GBA2: variants seen among roughly 807,000 people sequenced by gnomAD.
GBA2 encodes non-lysosomal glucosylceramidase.
In GBA2, 79 loss-of-function variants were observed where a neutral mutation model predicts 112.9. The ratio of observed to expected loss-of-function variants is 0.70; its 90% CI spans 0.58 to 0.84. The LOEUF is 0.84. Ranked by LOEUF, GBA2 falls within the 40% of genes least tolerant of loss-of-function variation. The probability of loss-of-function intolerance (pLI) is 0.00; values close to 1 mark genes in which losing one functional copy is unlikely to be tolerated. For synonymous variants in GBA2, 403 were observed against 434.3 expected, an observed-to-expected ratio of 0.93 and a Z score of 0.90; for missense variants, 1,043 against 1,190.0, an observed-to-expected ratio of 0.88 and a Z score of 1.82.
At position 35,748,472 on chromosome 9, in the gene GBA2, C is replaced by T. The variant is rs758381932; in HGVS notation, c.233G>A (p.Gly78Asp). The T allele has an allele frequency of 3.7e-6, 6 of 1,613,948 alleles. No individual in the cohort carries two copies. The South Asian group carries it at 6.6e-5, about 18-fold the overall frequency. Residue 78 changes from glycine to aspartate, a missense_variant, in exon 1 of 17, where the codon GGC becomes GAC. Coordinates refer to ENST00000378103, the MANE Select transcript of GBA2 (RefSeq NM_020944.3). Reference protein sequence around the residue: ...LMVSYEGKAMGYQVPPFGWRI... With the variant: ...LMVSYEGKAMDYQVPPFGWRI... ...CCAGCCAAAGGGAGGCACCTGGTAG[C>T]CCATAGCTTTACCCTCATAGGAAAC...
chr9:35,744,257 G>T, intron 3 of GBA2, 40 bp downstream of exon 3: 1 of 1,102,754 alleles, frequency 9.1e-7, no homozygotes, highest in Non-Finnish European at 1.4e-6. Context: ...TCTTGGCCTG[G>T]GGAGGTATTG....
At position 35,740,942 on chromosome 9, in the gene GBA2, C is replaced by A. The variant is rs748164868; in HGVS notation, c.909G>T (p.Gly303=). The A allele has an allele frequency of 7.4e-6, 12 of 1,614,056 alleles. No individual in the cohort carries two copies. Among genetic ancestry groups the A allele is most frequent in the Admixed American group, 1.7e-5 (1 of 60,010 alleles). The change falls in exon 5 of 17, where the codon GGG becomes GGT. Residue 303 remains glycine, a synonymous_variant. Transcript: ENST00000378103. This position sits in a 1 kb window ranked among gnomAD's most constrained non-coding sequence, Gnocchi z 4.7. ...NGLGGGDDAP[G]GLWNEPFCLE... The stretch of plus-strand genomic sequence containing the variant: ...GACAGAAGGGCTCATTCCACAAACC[C>A]CCTGGGGCATCGTCTCCACCACCCA...
At position 35,738,138 on chromosome 9, in the gene GBA2, A is replaced by G. The variant is rs376719778; in HGVS notation, c.2212T>C (p.Tyr738His). The G allele has an allele frequency of 1.9e-6, 3 of 1,613,832 alleles. No individual in the cohort carries two copies. The African/African-American group carries it at 4.0e-5, about 22-fold the overall frequency. ...RLLWNGRYYN[Y>H]DSSSRPQSRS... The stretch of plus-strand genomic sequence containing the variant: ...GACTGAGGCCGAGAGCTGCTGTCAT[A>G]GTTGTAATAGCGGCCTGGAGTCGAG... The change falls in exon 15 of 17, where the codon TAT becomes CAT. Residue 738 changes from tyrosine to histidine, a missense_variant. Physicochemically the swap from Tyr to His is moderately conservative, Grantham distance 83. Coordinates refer to ENST00000378103, the MANE Select transcript of GBA2 (RefSeq NM_020944.3).
In GBA2 at chr9:35,740,063, T is replaced by C; in HGVS notation, c.1344A>G (p.Ala448=). 6.2e-7 allele frequency: 1 copy of C among 1,614,026 alleles called. No homozygotes were observed. The highest frequency in any genetic ancestry group is 8.5e-7 in the Non-Finnish European group (1 of 1,179,950). Residue 448 remains alanine (A), a synonymous_variant, in exon 8 of 17, where the codon GCA becomes GCG. Coordinates refer to ENST00000378103, the MANE Select transcript of GBA2 (RefSeq NM_020944.3). This position sits in a 1 kb window ranked among gnomAD's most constrained non-coding sequence, Gnocchi z 4.7. ...CTTCCCACTCTGCGTATCGGCACAGTGCATAGTGGCTGAGGGCAGGTGCTG... is the reference window on the plus strand; with the variant it reads ...CTTCCCACTCTGCGTATCGGCACAGCGCATAGTGGCTGAGGGCAGGTGCTG... ...GDAAPALSHY[A]LCRYAEWEER...
rs370957405 is a variant in GBA2, at chr9:35,738,000, C to G, written c.2313+37G>C. The G allele has an allele frequency of 1.4e-4, 220 of 1,593,356 alleles. No individual in the cohort carries two copies. The highest frequency in any genetic ancestry group is 1.8e-4 in the Non-Finnish European group (212 of 1,166,836). ...CTTACTTCCCACCTCCAGGGAAAAC[C>G]CATTTTTCTCTCTGGCTGCTCCTCC... On this transcript the variant is annotated intron_variant, in intron 15 of 16. Coordinates refer to ENST00000378103, the MANE Select transcript of GBA2 (RefSeq NM_020944.3). The surrounding 1 kb of genome is among the most constrained non-coding windows in gnomAD (Gnocchi z 4.1).
chr9:35,741,929 G>A lies in GBA2; in HGVS notation c.568-39C>T, dbSNP rs1352491520. 1.7e-5 allele frequency: 24 copies of A among 1,384,512 alleles called. No individual in the cohort carries two copies. Among genetic ancestry groups the A allele is most frequent in the Non-Finnish European group, 2.5e-5 (24 of 974,528 alleles). 85.8% of individuals were successfully genotyped at this position (1,384,512 alleles called of 1,614,324 possible). A position where few individuals can be genotyped will look rare whatever the true frequency, so the allele number is the denominator to read the frequency against. On this transcript the variant is annotated intron_variant, in intron 3 of 16. Transcript: ENST00000378103. The surrounding 1 kb of genome is among the most constrained non-coding windows in gnomAD (Gnocchi z 4.6). The stretch of plus-strand genomic sequence containing the variant: ...ATAGGCTGGAACGGGGTAAACCACA[G>A]GGACCACAGACTAAGTCTTCCCTCT...
intron 1 of GBA2, among the ~76,000 whole-genome samples, chr9:35,745,048 C>T (rs187471685): frequency 2.6e-5 from 4 of 152,258 alleles, no homozygotes; most frequent in East Asian, 1.9e-4. Context: ...GGCCTACAGC[C>T]TCCGCCCCCA....
rs1827145038 is a variant in GBA2, at chr9:35,748,846, G to A, written c.-142C>T. 1.7e-6 allele frequency: 1 copy of A among 601,084 alleles called. No individual in the cohort carries two copies. The highest frequency in any genetic ancestry group is 2.5e-5 in the South Asian group (1 of 40,660). The allele number at this position is 601,084 out of a possible 1,614,324, so 37.2% of individuals were successfully genotyped here. A position where few individuals can be genotyped will look rare whatever the true frequency, so the allele number is the denominator to read the frequency against. On this transcript the variant is annotated 5_prime_UTR_variant, in exon 1 of 17. Transcript: ENST00000378103. ...GCTTAAATGAGCTGGTGTTTCAGTG[G>A]AGCCGGGGAGCTCTTGCTTCAGTGG...
chr9:35,739,558 T>C (rs1826505657), intron 9 of GBA2, 70 bp downstream of exon 9: 1 of 1,464,326 alleles, frequency 6.8e-7, no homozygotes, highest in Non-Finnish European at 9.5e-7. Flanking sequence ...ACCAATACCC[T>C]GGGGTAGGCA....
In GBA2 at chr9:35,740,354, T is replaced by G. The variant is rs1826579785; in HGVS notation, c.1138A>C (p.Thr380Pro). The G allele has an allele frequency of 6.2e-7, 1 of 1,612,804 alleles. No individual in the cohort carries two copies. Among genetic ancestry groups the G allele is most frequent in the Non-Finnish European group, 8.5e-7 (1 of 1,179,904 alleles). ...GQLDSPTGQS[T>P]PTQKGVGIAG... ...ATGCCTACTCCTTTCTGCGTAGGGG[T>G]GCTTTGGCCTGAGAGAAACACAAGA... The change falls in exon 7 of 17, where the codon ACC becomes CCC. Residue 380 changes from threonine to proline, a missense_variant. Coordinates refer to ENST00000378103, the MANE Select transcript of GBA2 (RefSeq NM_020944.3). This position sits in a 1 kb window ranked among gnomAD's most constrained non-coding sequence, Gnocchi z 4.7.
Position 35,737,224 on chromosome 9 carries a change from C to T in GBA2, c.2729G>A (p.Arg910Lys), listed in dbSNP as rs760907481. 6.2e-7 allele frequency: 1 copy of T among 1,613,060 alleles called. No homozygotes were observed. Among genetic ancestry groups the T allele is most frequent in the East Asian group, 2.2e-5 (1 of 44,878 alleles). Residue 910 changes from arginine to lysine, a missense_variant, in exon 17 of 17, where the codon AGG becomes AAG. Coordinates refer to ENST00000378103, the MANE Select transcript of GBA2 (RefSeq NM_020944.3). The surrounding 1 kb of genome is among the most constrained non-coding windows in gnomAD (Gnocchi z 4.1). Reference protein sequence around the residue: ...WPKVKQGTGLRTGPMFGPKEA... With the variant: ...WPKVKQGTGLKTGPMFGPKEA... ...CTTTGGTCCAAACATAGGCCCTGTC[C>T]TTAGTCCTGTGCCCTGTTTGACTTT...
Position 35,741,149 on chromosome 9 carries a change from G to A in GBA2, c.787-85C>T. ...CTAGGATCAGTCCTGGGCACACAGA[G>A]GACCTGACTCAAATACTCCCCAGTG... On this transcript the variant is annotated intron_variant, in intron 4 of 16. Coordinates refer to ENST00000378103, the MANE Select transcript of GBA2 (RefSeq NM_020944.3). This position sits in a 1 kb window ranked among gnomAD's most constrained non-coding sequence, Gnocchi z 4.6. The A allele has an allele frequency of 6.9e-7, 1 of 1,447,388 alleles. No individual in the cohort carries two copies. Among genetic ancestry groups the A allele is most frequent in the Non-Finnish European group, 9.5e-7 (1 of 1,051,364 alleles). The allele number at this position is 1,447,388 out of a possible 1,614,324, so 89.7% of individuals were successfully genotyped here.
chr9:35,738,717 C>G (rs753709317), intron 12 of GBA2, 35 bp downstream of exon 12: 1 of 1,612,052 alleles, frequency 6.2e-7, no homozygotes, highest in South Asian at 1.1e-5. Flanking sequence ...CAACCATACC[C>G]CTGGCACACT....
At chr9:35,739,943 G>A (rs1229552632) in intron 8 of GBA2, 55 bp downstream of exon 8, 4 of 1,602,208 alleles carry the variant, frequency 2.5e-6, no homozygotes, top group East Asian at 2.2e-5. Flanking sequence ...AAATCGAGGA[G>A]TCCCATTTGG....
chr9:35,748,081 C>G (rs1300337340), intron 1 of GBA2, among the ~76,000 whole-genome samples: 1 of 152,186 alleles, frequency 6.6e-6, no homozygotes, highest in Non-Finnish European at 1.5e-5. Context: ...GTGAGAAGAG[C>G]CTGAATGGGA....
chr9:35,742,032 CA>C, intron 3 of GBA2, 142 bp from the exon 4 acceptor site: 1 of 658,948 alleles, frequency 1.5e-6, no homozygotes, highest in South Asian at 1.7e-5. Flanking sequence ...CCCCCAGGCT[CA>C]GTGAATCACC....
rs1484369218 is a variant in GBA2, at chr9:35,746,906, T to C, written c.359+1440A>G. Reference sequence around the variant, plus strand: ...GGGAGAACAATTGAAATTGAGTTCTTACGAAGGTAAGACCCAGAGAATTCT... The same window carrying C: ...GGGAGAACAATTGAAATTGAGTTCTCACGAAGGTAAGACCCAGAGAATTCT... On this transcript the variant is annotated intron_variant, in intron 1 of 16. Coordinates refer to ENST00000378103, the MANE Select transcript of GBA2 (RefSeq NM_020944.3). This position sits in a 1 kb window ranked among gnomAD's most constrained non-coding sequence, Gnocchi z 5.2. 6.6e-6 allele frequency among the ~76,000 whole-genome samples: 1 copy of C among 152,170 alleles called. No individual in the cohort carries two copies. Among genetic ancestry groups the C allele is most frequent in the African/African-American group, 2.4e-5 (1 of 41,444 alleles).
Position 35,744,605 on chromosome 9 carries a change from TG to T in GBA2, c.451+9del. On this transcript the variant is annotated intron_variant, in intron 2 of 16. Transcript: ENST00000378103. Reference sequence around the variant, plus strand: ...TTCTCTGAGCAGAGCAGAGATGGGGTGGGGCTCACCATAAATCTGTCTTAGG... The same window carrying T: ...TTCTCTGAGCAGAGCAGAGATGGGGTGGGCTCACCATAAATCTGTCTTAGG... 3 of 1,544,552 alleles carry T rather than the reference TG, an allele frequency of 1.9e-6. No homozygotes were observed. The highest frequency in any genetic ancestry group is 2.7e-6 in the Non-Finnish European group (3 of 1,116,616).
In GBA2 at chr9:35,740,155, C is replaced by A. The variant is rs1826561281; in HGVS notation, c.1284-32G>T. On this transcript the variant is annotated intron_variant, in intron 7 of 16. Coordinates refer to ENST00000378103, the MANE Select transcript of GBA2 (RefSeq NM_020944.3). The surrounding 1 kb of genome is among the most constrained non-coding windows in gnomAD (Gnocchi z 4.7). ...TGGGAAGGGGAAGGATGAACACAAG[C>A]CCCAGGTCAGAGCCCCAGCACTCTG... 6.2e-7 allele frequency: 1 copy of A among 1,613,850 alleles called. No individual in the cohort carries two copies. The highest frequency in any genetic ancestry group is 1.7e-5 in the Admixed American group (1 of 59,990).
Sources: gnomAD v4.1 joint callset for allele counts (sites outside exome capture counted in the v4.1 genomes callset) on GRCh38, gnomAD v4.1.1 for gene constraint, Gnocchi (gnomAD v3.1) non-coding constraint, MANE v1.5 for transcripts, NCBI Gene and HGNC (gene_info 2026-07-23, HGNC 2026-07-21) for gene names.